ITIH2: variants seen among roughly 807,000 people sequenced by gnomAD.
The protein encoded by ITIH2 is inter-alpha-trypsin inhibitor heavy chain H2.
In ITIH2, 103 loss-of-function variants were observed where a neutral mutation model predicts 104.4. The observed-to-expected ratio is 0.99, with a 90% confidence interval of 0.84 to 1.16. ITIH2 has a LOEUF of 1.16. ITIH2 is among the 50% of genes most tolerant of loss of function. ITIH2 has a pLI of 0.00. For missense variants in ITIH2, 1,108 were observed against 1,162.4 expected (o/e 0.95, Z 0.68); for synonymous variants, 436 against 435.4 (o/e 1.00, Z -0.02).
Position 7,732,586 on chromosome 10 carries a change from T to C in ITIH2, c.1787+109T>C, listed in dbSNP as rs543900838. 3.4e-6 allele frequency: 4 copies of C among 1,164,248 alleles called. No individual in the cohort carries two copies. In the South Asian group the frequency reaches 5.9e-5, roughly 17 times the overall value. 72.1% of individuals were successfully genotyped at this position (1,164,248 alleles called of 1,614,324 possible). A position where few individuals can be genotyped will look rare whatever the true frequency, so the allele number is the denominator to read the frequency against. On this transcript the variant is annotated intron_variant, in intron 14 of 20. Transcript: ENST00000358415. ...GTTTGGAAGCAAGAAAGACAGCACA[T>C]TAGCACAGGCTTGGATTATTACCTT...
rs1295252862 is a variant in ITIH2, at chr10:7,723,545, T to C, written c.962T>C (p.Met321Thr). The stretch of plus-strand genomic sequence containing the variant: ...TTTGTCATCGATGTGAGTGGCTCCA[T>C]GTGGGGAGTTAAAATGAAACAAGTA... ...ILFVIDVSGSMWGVKMKQTVE... is the reference protein window; with the variant it reads ...ILFVIDVSGSTWGVKMKQTVE... The change falls in exon 9 of 21, where the codon ATG becomes ACG. Residue 321 changes from methionine to threonine, a missense_variant. Coordinates refer to ENST00000358415, the MANE Select transcript of ITIH2 (RefSeq NM_002216.3). The C allele has an allele frequency of 3.1e-6, 5 of 1,612,550 alleles. No homozygotes were observed. The Admixed American group carries it at 6.7e-5, about 21-fold the overall frequency.
At chr10:7,728,028 C>T (rs1177426641) in intron 11 of ITIH2, among the ~76,000 whole-genome samples, 200 bp downstream of exon 11, 1 of 152,200 alleles carries the variant, frequency 6.6e-6, no homozygotes, top group Non-Finnish European at 1.5e-5. Flanking sequence ...CAAGGGCGCT[C>T]TTGAATGCCT....
chr10:7,746,826 A>C, intron 20 of ITIH2, 122 bp downstream of exon 20: 9 of 629,590 alleles, frequency 1.4e-5, no homozygotes, highest in Non-Finnish European at 1.7e-5. Flanking sequence ...TAAGCAGTTC[A>C]TTAGGAATAG....
At chr10:7,717,908 C>T (rs1834866204) in intron 6 of ITIH2, 120 bp downstream of exon 6, 2 of 931,262 alleles carry the variant, frequency 2.1e-6, no homozygotes, top group Non-Finnish European at 3.3e-6. Flanking sequence ...CTCTACAAGA[C>T]AGTGGGATGT....
chr10:7,710,983 A>C (rs1242677991), intron 4 of ITIH2, among the ~76,000 whole-genome samples: 1 of 151,046 alleles, frequency 6.6e-6, no homozygotes, highest in Non-Finnish European at 1.5e-5. Flanking sequence ...TAGGTTTGTT[A>C]CATAGGTACA....
At chr10:7,730,598 T>C (rs898151360) in intron 12 of ITIH2, among the ~76,000 whole-genome samples, 45 of 152,266 alleles carry the variant, frequency 3.0e-4, no homozygotes, top group African/African-American at 1.1e-3. Context: ...GGTGGGAGGA[T>C]CACTCGAGCC....
At chr10:7,735,609 T>C (rs1051090176) in intron 15 of ITIH2, among the ~76,000 whole-genome samples, 1 of 152,082 alleles carries the variant, frequency 6.6e-6, no homozygotes, top group African/African-American at 2.4e-5. Flanking sequence ...ATTTTATAAA[T>C]ATTGACCTTT....
At chr10:7,720,175 C>T (rs1041876489) in intron 6 of ITIH2, among the ~76,000 whole-genome samples, 1 of 151,722 alleles carries the variant, frequency 6.6e-6, no homozygotes, top group African/African-American at 2.4e-5. Flanking sequence ...TGAGAAATTA[C>T]TCAACGGGTA....
chr10:7,719,797 G>C (rs888056697), intron 6 of ITIH2, among the ~76,000 whole-genome samples: 2 of 130,534 alleles, frequency 1.5e-5, no homozygotes, highest in African/African-American at 5.8e-5. Context: ...AGAAAGAAAA[G>C]AAAAAATAGC....
rs185182951 is a variant in ITIH2 at position 7,704,939 on chromosome 10, G to A, written c.85-169G>A. Among the ~76,000 whole-genome samples, 30 of 150,990 alleles carry A rather than the reference G, an allele frequency of 2.0e-4. No individual in the cohort carries two copies. In the East Asian group the frequency reaches 4.7e-3, roughly 23 times the overall value. ...CCTGTCAGGGGGTGGGGGGCTAGGG[G>A]AGGGATAGCATTAGGAGAAATACCT... On this transcript the variant is annotated intron_variant, in intron 1 of 20. Transcript: ENST00000358415.
intron 5 of ITIH2, among the ~76,000 whole-genome samples, chr10:7,714,010 T>A (rs987540594): frequency 6.6e-6 from 1 of 152,030 alleles, no homozygotes; most frequent in African/African-American, 2.4e-5. Context: ...TTCTTAAGCA[T>A]CAGTTACTTC....
intron 18 of ITIH2, 125 bp downstream of exon 18, chr10:7,744,405 A>C: frequency 1.1e-6 from 1 of 879,518 alleles, no homozygotes. Context: ...GTTGAGGTTC[A>C]GAAAAATTGT....
At chr10:7,731,454 G>C (rs559134315) in intron 12 of ITIH2, among the ~76,000 whole-genome samples, 45 of 152,218 alleles carry the variant, frequency 3.0e-4, no homozygotes, top group African/African-American at 1.1e-3. Context: ...TTTTAGATCA[G>C]CTGGGCGTAA....
intron 4 of ITIH2, among the ~76,000 whole-genome samples, chr10:7,712,092 C>A (rs796320405): frequency 3.3e-5 from 5 of 152,266 alleles, no homozygotes; most frequent in African/African-American, 1.2e-4. Context: ...TCTTTTCCAC[C>A]CTTGCAGAGG....
rs774072245 is a variant in ITIH2, at chr10:7,749,278, G to C, written c.2785G>C (p.Gly929Arg). 1 of 1,614,096 alleles carries C rather than the reference G, an allele frequency of 6.2e-7. No homozygotes were observed. The highest frequency in any genetic ancestry group is 1.1e-5 in the South Asian group (1 of 91,084). The change falls in exon 21 of 21, where the codon GGG (glycine) becomes CGG (arginine). Residue 929 changes from glycine (G) to arginine (R), a missense_variant. Coordinates refer to ENST00000358415, the MANE Select transcript of ITIH2 (RefSeq NM_002216.3). Reference sequence around the variant, plus strand: ...CAACAGTGGAAAAGGATTCATTGACGGGCATTACAAGGATTACTTCGTGCC... The same window carrying C: ...CAACAGTGGAAAAGGATTCATTGACCGGCATTACAAGGATTACTTCGTGCC... ...VHNSGKGFID[G>R]HYKDYFVPQL...
rs954532010 is a variant in ITIH2, at chr10:7,703,330, C to T, written c.-105C>T. 1.5e-5 allele frequency: 11 copies of T among 711,034 alleles called. No individual in the cohort carries two copies. Among genetic ancestry groups the T allele is most frequent in the East Asian group, 7.5e-5 (3 of 39,752 alleles). The allele number at this position is 711,034 out of a possible 1,614,324, so 44.0% of individuals were successfully genotyped here. A position where few individuals can be genotyped will look rare whatever the true frequency, so the allele number is the denominator to read the frequency against. On this transcript the variant is annotated 5_prime_UTR_variant, in exon 1 of 21. Coordinates refer to ENST00000358415, the MANE Select transcript of ITIH2 (RefSeq NM_002216.3). ...TCTTCTTTTTTCTTCTTTCTTAAAG[C>T]GAACTGTACTCCTCTGCTGTTCCTT...
intron 8 of ITIH2, among the ~76,000 whole-genome samples, chr10:7,722,157 C>A (rs991309235): frequency 2.0e-5 from 3 of 152,044 alleles, no homozygotes; most frequent in Non-Finnish European, 4.4e-5. Flanking sequence ...CAAGAGCCAG[C>A]GGTGAATTTC....
intron 16 of ITIH2, among the ~76,000 whole-genome samples, 185 bp from the exon 17 acceptor site, chr10:7,742,961 C>A (rs3736964): frequency 0.56 from 85,249 of 151,896 alleles, 26,383 homozygotes; most frequent in Non-Finnish European, 0.71. Flanking sequence ...GAAGAAGGCT[C>A]CGTGACAAAG....
chr10:7,721,552 T>A (rs540784771), intron 7 of ITIH2, 97 bp from the exon 8 acceptor site: 70 of 1,122,774 alleles, frequency 6.2e-5, no homozygotes, highest in Non-Finnish European at 8.3e-5. Context: ...AGAACGTCCA[T>A]TGGGCAGCTC....
Sources: gnomAD v4.1 joint callset for allele counts (sites outside exome capture counted in the v4.1 genomes callset) on GRCh38, gnomAD v4.1.1 for gene constraint, MANE v1.5 for transcripts, NCBI Gene and HGNC (gene_info 2026-07-23, HGNC 2026-07-21) for gene names.